Variants in EPG5 observed in about 807,000 individuals in gnomAD.
EPG5 encodes ectopic P granules protein 5 homolog.
EPG5 carries 159 observed loss-of-function variants against 302.7 expected under a neutral mutation model. The observed-to-expected ratio is 0.53, with a 90% CI of 0.46 to 0.60. The LOEUF (loss-of-function observed/expected upper bound fraction) is 0.60, where lower values mean the gene tolerates loss of function less well. Ranked by LOEUF, EPG5 falls within the 20% of genes least tolerant of loss-of-function variation. The pLI is 0.00. For synonymous variants in EPG5, 1,158 were observed against 1,136.8 expected (o/e 1.02, Z -0.37); for missense variants, 2,896 against 3,092.4 (o/e 0.94, Z 1.51).
At position 45,852,305 on chromosome 18, in the gene EPG5, C is replaced by A. The variant is rs1024862677; in HGVS notation, c.*162G>T. 10 of 604,174 alleles carry A rather than the reference C, an allele frequency of 1.7e-5. No homozygotes were observed. The highest frequency in any genetic ancestry group is 2.8e-5 in the East Asian group (1 of 35,272). 37.4% of individuals were successfully genotyped at this position (604,174 alleles called of 1,614,324 possible). ...AACACACACACACACACACACACAC[C>A]CCAAAATTATCTAATATCTAACGCC... is the stretch of plus-strand genomic sequence containing the variant. On this transcript the variant is annotated 3_prime_UTR_variant, in exon 44 of 44. Coordinates refer to ENST00000282041, the MANE Select transcript of EPG5 (RefSeq NM_020964.3).
intron 36 of EPG5, among the ~76,000 whole-genome samples, chr18:45,869,532 A>G (rs1599452980): frequency 6.6e-6 from 1 of 152,354 alleles, no homozygotes; most frequent in African/African-American, 2.4e-5. Context: ...TCTTATAGTT[A>G]AGGTCATCCT....
At position 45,935,600 on chromosome 18, in the gene EPG5, G is replaced by T. The variant is rs527844728; in HGVS notation, c.2100-634C>A. On this transcript the variant is annotated intron_variant, in intron 10 of 43. Transcript: ENST00000282041. ...GCACCAATGCACACAGGCTACTAAGGCGCACACAGGTACTAAGGCACACAC... is the reference window on the plus strand; with the variant it reads ...GCACCAATGCACACAGGCTACTAAGTCGCACACAGGTACTAAGGCACACAC... Among the ~76,000 whole-genome samples, 23 of 97,198 alleles carry T rather than the reference G, an allele frequency of 2.4e-4. No homozygotes were observed. In the East Asian group the frequency reaches 8.6e-3, roughly 36 times the overall value. 63.8% of individuals were successfully genotyped at this position (97,198 alleles called of 152,430 possible).
rs1568116963 is a variant in EPG5, at chr18:45,880,177, CAG to C, written c.5563_5564del (p.Leu1855GlufsTer27). On this transcript the variant is annotated frameshift_variant, in exon 32 of 44. Coordinates refer to ENST00000282041, the MANE Select transcript of EPG5 (RefSeq NM_020964.3). LOFTEE classifies it high-confidence loss of function. ...LLSPECWKATLRALGCCAPSC... is the reference protein window; with the variant it reads ...LLSPECWKATXRALGCCAPSC... ...TGGGGGCGCAGCAGCCCAGGGCTCT[CAG>C]AGTGGCCTTCCAACACTCGGGGCTC... The C allele has an allele frequency of 1.2e-6, 2 of 1,610,922 alleles. No individual in the cohort carries two copies. Among genetic ancestry groups the C allele is most frequent in the Admixed American group, 1.7e-5 (1 of 59,826 alleles).
At chr18:45,929,193 G>T (rs1417232991) in intron 12 of EPG5, among the ~76,000 whole-genome samples, 184 bp from the exon 13 acceptor site, 1 of 152,140 alleles carries the variant, frequency 6.6e-6, no homozygotes, top group Non-Finnish European at 1.5e-5. Context: ...AAAGGTGCAG[G>T]GAGAGGAATA....
At chr18:45,900,467 T>G (rs1479388805) in intron 26 of EPG5, among the ~76,000 whole-genome samples, 1 of 151,610 alleles carries the variant, frequency 6.6e-6, no homozygotes, top group African/African-American at 2.4e-5. Flanking sequence ...GCTCGCTTAC[T>G]GTTAATGAAA....
At chr18:45,919,184 T>C (rs918209956) in intron 16 of EPG5, among the ~76,000 whole-genome samples, 3 of 152,208 alleles carry the variant, frequency 2.0e-5, no homozygotes, top group African/African-American at 7.2e-5. Context: ...AAACAACTTA[T>C]GTCCCTGCCT....
intron 8 of EPG5, 70 bp downstream of exon 8, chr18:45,943,935 G>T: frequency 6.3e-6 from 6 of 947,792 alleles, no homozygotes; most frequent in East Asian, 2.5e-5. Flanking sequence ...AAAAAAAGAA[G>T]ACTCAATGCA....
intron 10 of EPG5, among the ~76,000 whole-genome samples, chr18:45,937,219 T>C (rs1432426206): frequency 8.5e-6 from 1 of 117,228 alleles, no homozygotes; most frequent in Non-Finnish European, 1.8e-5. Context: ...AAGTCTGGCA[T>C]ATATATACAT....
chr18:45,886,758 A>T (rs1196741126), intron 29 of EPG5, among the ~76,000 whole-genome samples: 1 of 152,068 alleles, frequency 6.6e-6, no homozygotes, highest in Non-Finnish European at 1.5e-5. Flanking sequence ...TCCCAGTTTC[A>T]AGTAATTCTC....
intron 4 of EPG5, among the ~76,000 whole-genome samples, chr18:45,950,085 T>C (rs2050871555): frequency 6.6e-6 from 1 of 152,196 alleles, no homozygotes. Context: ...TTCTTCTTTC[T>C]CTTAAAAGAA....
At chr18:45,836,087 T>C in the EPG5 span, among the ~76,000 whole-genome samples, 1 of 152,186 alleles carries the variant, frequency 6.6e-6, no homozygotes, top group African/African-American at 2.4e-5. Flanking sequence ...ATGGTCCCCA[T>C]GGAGGATGGT....
At chr18:45,944,477 G>T (rs192110699) in intron 7 of EPG5, among the ~76,000 whole-genome samples, 1 of 152,150 alleles carries the variant, frequency 6.6e-6, no homozygotes, top group East Asian at 1.9e-4. Context: ...CAGATGGGCC[G>T]GGCGCGGTGG....
chr18:45,925,773 T>C lies in EPG5; in HGVS notation c.2683A>G (p.Ile895Val), dbSNP rs770869880. 3 of 1,564,186 alleles carry C rather than the reference T, an allele frequency of 1.9e-6. No individual in the cohort carries two copies. In the East Asian group the frequency reaches 7.1e-5, roughly 37 times the overall value. Residue 895 changes from isoleucine to valine, a missense_variant, in exon 14 of 44, where the codon ATT becomes GTT. Transcript: ENST00000282041. The part of the protein sequence containing the change: ...TVVKNKLACV[I>V]LEGLNWGFAK... ...AATCCCCAATTCAGTCCTTCAAGAA[T>C]AACACAGGCCAGTTTATTCTTCACC...
chr18:45,925,561 A>G (rs1468842284), intron 14 of EPG5, among the ~76,000 whole-genome samples, 177 bp downstream of exon 14: 1 of 152,260 alleles, frequency 6.6e-6, no homozygotes, highest in Non-Finnish European at 1.5e-5. Flanking sequence ...TCCTCATTTA[A>G]TAGTTGCTCA....
intron 5 of EPG5, 124 bp from the exon 6 acceptor site, chr18:45,948,700 TA>T: frequency 2.8e-6 from 2 of 703,468 alleles, no homozygotes; most frequent in Non-Finnish European, 5.0e-6. Flanking sequence ...TGGTACCTAA[TA>T]CACAAGAGTA....
At chr18:45,930,622 G>T in intron 12 of EPG5, 54 bp downstream of exon 12, 1 of 1,437,018 alleles carries the variant, frequency 7.0e-7, no homozygotes. Flanking sequence ...ATCAACAGAT[G>T]GACAATCCAA....
At chr18:45,840,408 G>T in the EPG5 span, among the ~76,000 whole-genome samples, 1 of 152,126 alleles carries the variant, frequency 6.6e-6, no homozygotes, top group Non-Finnish European at 1.5e-5. Context: ...CCCTCTTGCA[G>T]CCTGCCAAGG....
chr18:45,860,615 A>C (rs981250287), intron 39 of EPG5, among the ~76,000 whole-genome samples: 2 of 152,226 alleles, frequency 1.3e-5, no homozygotes, highest in African/African-American at 4.8e-5. Flanking sequence ...TAAATAGACA[A>C]ATCTGAAGCT....
chr18:45,837,752 G>C, the EPG5 span: 2 of 1,517,308 alleles, frequency 1.3e-6, no homozygotes, highest in African/African-American at 1.4e-5. Flanking sequence ...CCGGCTGCTG[G>C]GCAACCCGCG....
Sources: allele counts gnomAD v4.1 joint callset (sites outside exome capture counted in the v4.1 genomes callset), GRCh38; gene constraint gnomAD v4.1.1; transcripts MANE v1.5; gene names NCBI Gene and HGNC (gene_info 2026-07-23, HGNC 2026-07-21).